CTAGE1: variants seen among roughly 807,000 people sequenced by gnomAD.
CTAGE1 encodes the protein cTAGE family member 2.
For synonymous variants in CTAGE1, 332 were observed against 302.8 expected (o/e 1.10, Z -1.00); for missense variants, 963 against 855.9 (o/e 1.13, Z -1.56).
In CTAGE1 at chr18:22,416,287, A is replaced by G. The variant is rs1227574176; in HGVS notation, c.1525T>C (p.Leu509=). The change falls in exon 1 of 1, where the codon TTG becomes CTG. Residue 509 remains leucine (L), a synonymous_variant. Coordinates refer to ENST00000391403, the MANE Select transcript of CTAGE1 (RefSeq NM_172241.3). Reference sequence around the variant, plus strand: ...GAGAGTCTGAGAGGACCTTCCAACAAAGTTGGAGGATAGAGAGAAGCTCTC... The same window carrying G: ...GAGAGTCTGAGAGGACCTTCCAACAGAGTTGGAGGATAGAGAGAAGCTCTC... The part of the protein sequence containing the change: ...ETRASLYPPT[L]LEGPLRLSPL... 6.2e-7 allele frequency: 1 copy of G among 1,613,874 alleles called. No homozygotes were observed. Among genetic ancestry groups the G allele is most frequent in the Non-Finnish European group, 8.5e-7 (1 of 1,179,800 alleles).
Position 22,413,635 on chromosome 18 carries a change from C to A in CTAGE1, c.*1939G>T, listed in dbSNP as rs775059587. On this transcript the variant is annotated 3_prime_UTR_variant, in exon 1 of 1. Transcript: ENST00000391403. Reference sequence around the variant, plus strand: ...ACTTATTCACTCTTTATTATTTCAACTTTCTTTTTAGTTTATTAGGTTCAT... The same window carrying A: ...ACTTATTCACTCTTTATTATTTCAAATTTCTTTTTAGTTTATTAGGTTCAT... 5 of 152,160 alleles carry A rather than the reference C, an allele frequency of 3.3e-5. No homozygotes were observed. Among genetic ancestry groups the A allele is most frequent in the Non-Finnish European group, 7.4e-5 (5 of 68,020 alleles). The allele number at this position is 152,160 out of a possible 1,614,324, so 9.4% of individuals were successfully genotyped here.
At position 22,415,906 on chromosome 18, in the gene CTAGE1, T is replaced by C. The variant is rs201596969; in HGVS notation, c.1906A>G (p.Lys636Glu). 2.5e-5 allele frequency: 40 copies of C among 1,613,978 alleles called. No homozygotes were observed. The highest frequency in any genetic ancestry group is 1.2e-4 in the Admixed American group (7 of 60,024). Reference protein sequence around the residue: ...SEMESSRNDTKDNLGNLKVPD... With the variant: ...SEMESSRNDTEDNLGNLKVPD... ...ACCTTTAAATTACCAAGATTATCTT[T>C]GGTATCATTTCTACTGGATTCCATT... Residue 636 changes from lysine to glutamate, a missense_variant, in exon 1 of 1, where the codon AAA becomes GAA. Coordinates refer to ENST00000391403, the MANE Select transcript of CTAGE1 (RefSeq NM_172241.3).
Position 22,415,058 on chromosome 18 carries a change from T to A in CTAGE1, c.*516A>T, listed in dbSNP as rs896011112. The A allele has an allele frequency of 1.2e-5, 5 of 429,126 alleles. No individual in the cohort carries two copies. Among genetic ancestry groups the A allele is most frequent in the Non-Finnish European group, 2.0e-5 (5 of 244,998 alleles). The allele number at this position is 429,126 out of a possible 1,614,324, so 26.6% of individuals were successfully genotyped here. On this transcript the variant is annotated 3_prime_UTR_variant, in exon 1 of 1. Coordinates refer to ENST00000391403, the MANE Select transcript of CTAGE1 (RefSeq NM_172241.3). ...GAAATATTCTAACAGTTACATAGTATTCTACCTTCCCACCTGTGCATATTT... is the reference window on the plus strand; with the variant it reads ...GAAATATTCTAACAGTTACATAGTAATCTACCTTCCCACCTGTGCATATTT...
At position 22,416,452 on chromosome 18, in the gene CTAGE1, T is replaced by C; in HGVS notation, c.1360A>G (p.Arg454Gly). Reference protein sequence around the residue: ...NDLRKENAHNRQKLTEIEFKI... With the variant: ...NDLRKENAHNGQKLTEIEFKI... ...AACTCTATTTCAGTTAATTTTTGTCTGTTGTGAGCATTTTCTTTCCTTAAA... is the reference window on the plus strand; with the variant it reads ...AACTCTATTTCAGTTAATTTTTGTCCGTTGTGAGCATTTTCTTTCCTTAAA... The change falls in exon 1 of 1, where the codon AGA (arginine) becomes GGA (glycine). Residue 454 changes from arginine (R) to glycine (G), a missense_variant. Physicochemically the swap from Arg to Gly is moderately radical, Grantham distance 125. Transcript: ENST00000391403. 1.2e-6 allele frequency: 2 copies of C among 1,614,004 alleles called. No homozygotes were observed. The highest frequency in any genetic ancestry group is 1.7e-5 in the Admixed American group (1 of 59,998).
In CTAGE1 at chr18:22,414,507, G is replaced by T; in HGVS notation, c.*1067C>A. On this transcript the variant is annotated 3_prime_UTR_variant, in exon 1 of 1. Coordinates refer to ENST00000391403, the MANE Select transcript of CTAGE1 (RefSeq NM_172241.3). ...AAGCAATGGCTTGGTGGCCCAGCTT[G>T]CATGAAGGACTAATCCAAAATTTGA... is the stretch of plus-strand genomic sequence containing the variant. 1 of 584,630 alleles carries T rather than the reference G, an allele frequency of 1.7e-6. No homozygotes were observed. Among genetic ancestry groups the T allele is most frequent in the Admixed American group, 3.1e-5 (1 of 31,870 alleles). The allele number at this position is 584,630 out of a possible 1,614,324, so 36.2% of individuals were successfully genotyped here.
rs191777397 is a variant in CTAGE1, at chr18:22,414,701, C to T, written c.*873G>A. ...GAACATAAAACTAAAACTATTAGAA[C>T]ACCAACAGAGGTAAAGGTTGGGAAA... On this transcript the variant is annotated 3_prime_UTR_variant, in exon 1 of 1. Transcript: ENST00000391403. 337 of 702,962 alleles carry T rather than the reference C, an allele frequency of 4.8e-4. 1 individual carries two copies. In the African/African-American group the frequency reaches 5.3e-3, roughly 11 times the overall value. 43.5% of individuals were successfully genotyped at this position (702,962 alleles called of 1,614,324 possible).
Position 22,415,087 on chromosome 18 carries a change from T to C in CTAGE1, c.*487A>G, listed in dbSNP as rs1598489664. The C allele has an allele frequency of 3.5e-6, 1 of 285,678 alleles. No homozygotes were observed. Among genetic ancestry groups the C allele is most frequent in the Non-Finnish European group, 6.4e-6 (1 of 156,626 alleles). The allele number at this position is 285,678 out of a possible 1,614,324, so 17.7% of individuals were successfully genotyped here. ...ACCTTCCCACCTGTGCATATTTATA[T>C]ATTTCTTTTTTTAAATTTTTTAAAT... is the stretch of plus-strand genomic sequence containing the variant. On this transcript the variant is annotated 3_prime_UTR_variant, in exon 1 of 1. Coordinates refer to ENST00000391403, the MANE Select transcript of CTAGE1 (RefSeq NM_172241.3).
At position 22,417,866 on chromosome 18, in the gene CTAGE1, G is replaced by T; in HGVS notation, c.-55C>A. The stretch of plus-strand genomic sequence containing the variant: ...GTAGCAACTCCAGGACCAGCCCCAG[G>T]TATGGCTGAGGGTTAGCCCTAGGCT... On this transcript the variant is annotated 5_prime_UTR_variant, in exon 1 of 1. Transcript: ENST00000391403. The T allele has an allele frequency of 6.4e-7, 1 of 1,571,750 alleles. No individual in the cohort carries two copies. Among genetic ancestry groups the T allele is most frequent in the Non-Finnish European group, 8.8e-7 (1 of 1,142,166 alleles).
Position 22,417,691 on chromosome 18 carries a change from A to G in CTAGE1, c.121T>C (p.Tyr41His), listed in dbSNP as rs759269246. ...RSFRSVTSRL[Y>H]VRREKKFAVA... ...GCAAACTTTTTCTCTCTTCTCACAT[A>G]AAGCCGACTCGTAACTGATCTAAAA... is the stretch of plus-strand genomic sequence containing the variant. Residue 41 changes from tyrosine (Y) to histidine (H), a missense_variant, in exon 1 of 1, where the codon TAT (tyrosine) becomes CAT (histidine). Coordinates refer to ENST00000391403, the MANE Select transcript of CTAGE1 (RefSeq NM_172241.3). The G allele has an allele frequency of 1.9e-6, 3 of 1,614,096 alleles. No homozygotes were observed. Among genetic ancestry groups the G allele is most frequent in the Admixed American group, 3.3e-5 (2 of 60,026 alleles).
rs1383546701 is a variant in CTAGE1 at position 22,416,747 on chromosome 18, C to T, written c.1065G>A (p.Met355Ile). The T allele has an allele frequency of 6.2e-7, 1 of 1,612,468 alleles. No individual in the cohort carries two copies. The highest frequency in any genetic ancestry group is 8.5e-7 in the Non-Finnish European group (1 of 1,179,590). ...TTTCATTTTCTTGATATAATTCAGTCATTACTTTAAGTTTCTGCTGAAGCT... is the reference window on the plus strand; with the variant it reads ...TTTCATTTTCTTGATATAATTCAGTTATTACTTTAAGTTTCTGCTGAAGCT... ...NQKLQQKLKV[M>I]TELYQENEMK... Residue 355 changes from methionine to isoleucine, a missense_variant, in exon 1 of 1, where the codon ATG (methionine) becomes ATA (isoleucine). By Grantham distance (10) the Met-to-Ile change is conservative. Coordinates refer to ENST00000391403, the MANE Select transcript of CTAGE1 (RefSeq NM_172241.3).
In CTAGE1 at chr18:22,417,843, A is replaced by G. The variant is rs368124671; in HGVS notation, c.-32T>C. 1.0e-4 allele frequency: 162 copies of G among 1,609,008 alleles called. No homozygotes were observed. Among genetic ancestry groups the G allele is most frequent in the Admixed American group, 8.3e-5 (5 of 59,986 alleles). On this transcript the variant is annotated 5_prime_UTR_variant, in exon 1 of 1. Coordinates refer to ENST00000391403, the MANE Select transcript of CTAGE1 (RefSeq NM_172241.3). ...AGTCAGTGCTGCCACAACCCTGCGT[A>G]GCAACTCCAGGACCAGCCCCAGGTA...
Position 22,415,618 on chromosome 18 carries a change from G to A in CTAGE1, c.2194C>T (p.Arg732Cys), listed in dbSNP as rs749260943. The A allele has an allele frequency of 7.4e-6, 12 of 1,613,392 alleles. No homozygotes were observed. The Admixed American group carries it at 1.3e-4, about 18-fold the overall frequency. ...VYLPRGFLPYRPPRPAFFPPA... is the reference protein window; with the variant it reads ...VYLPRGFLPYCPPRPAFFPPA... ...GGGAAAAATGCAGGTCTTGGGGGAC[G>A]GTAAGGAAGAAAACCTCTCGGTAAA... The change falls in exon 1 of 1, where the codon CGT (arginine) becomes TGT (cysteine). Residue 732 changes from arginine to cysteine, a missense_variant. Physicochemically the swap from Arg to Cys is radical, Grantham distance 180. Transcript: ENST00000391403.
At position 22,416,272 on chromosome 18, in the gene CTAGE1, G is replaced by A; in HGVS notation, c.1540C>T (p.Leu514Phe). The A allele has an allele frequency of 1.2e-6, 2 of 1,613,986 alleles. No individual in the cohort carries two copies. Among genetic ancestry groups the A allele is most frequent in the African/African-American group, 1.3e-5 (1 of 75,060 alleles). ...CGTGGAAGCAAAGGTGAGAGTCTGA[G>A]AGGACCTTCCAACAAAGTTGGAGGA... is the stretch of plus-strand genomic sequence containing the variant. ...LYPPTLLEGP[L>F]RLSPLLPRGG... The change falls in exon 1 of 1, where the codon CTC becomes TTC. Residue 514 changes from leucine (L) to phenylalanine (F), a missense_variant. By Grantham distance (22) the Leu-to-Phe change is conservative. Transcript: ENST00000391403.
chr18:22,417,688 C>G lies in CTAGE1; in HGVS notation c.124G>C (p.Val42Leu), dbSNP rs2035033695. 6.2e-7 allele frequency: 1 copy of G among 1,614,090 alleles called. No homozygotes were observed. Among genetic ancestry groups the G allele is most frequent in the African/African-American group, 1.3e-5 (1 of 75,062 alleles). Residue 42 changes from valine to leucine, a missense_variant, in exon 1 of 1, where the codon GTG (valine) becomes CTG (leucine). Coordinates refer to ENST00000391403, the MANE Select transcript of CTAGE1 (RefSeq NM_172241.3). ...ACAGCAAACTTTTTCTCTCTTCTCA[C>G]ATAAAGCCGACTCGTAACTGATCTA... ...SFRSVTSRLY[V>L]RREKKFAVAL...
At position 22,416,843 on chromosome 18, in the gene CTAGE1, A is replaced by G. The variant is rs61747185; in HGVS notation, c.969T>C (p.His323=). The G allele has an allele frequency of 3.0e-4, 491 of 1,612,982 alleles. 2 individuals are homozygous for G. In the African/African-American group the frequency reaches 5.7e-3, roughly 19 times the overall value. ...CTTGTTCAGTCTGAAGATTTTTAAT[A>G]TGCTCTGTAAGCTCTTCCTTTGTTT... is the stretch of plus-strand genomic sequence containing the variant. ...VDKTKEELTE[H]IKNLQTEQAS... The change falls in exon 1 of 1, where the codon CAT becomes CAC. Residue 323 remains histidine, a synonymous_variant. Coordinates refer to ENST00000391403, the MANE Select transcript of CTAGE1 (RefSeq NM_172241.3).
rs774383412 is a variant in CTAGE1, at chr18:22,417,834, A to G, written c.-23T>C. Reference sequence around the variant, plus strand: ...CATACCTTCAGTCAGTGCTGCCACAACCCTGCGTAGCAACTCCAGGACCAG... The same window carrying G: ...CATACCTTCAGTCAGTGCTGCCACAGCCCTGCGTAGCAACTCCAGGACCAG... On this transcript the variant is annotated 5_prime_UTR_variant, in exon 1 of 1. Transcript: ENST00000391403. The G allele has an allele frequency of 8.1e-6, 13 of 1,612,600 alleles. No individual in the cohort carries two copies. Among genetic ancestry groups the G allele is most frequent in the Non-Finnish European group, 1.0e-5 (12 of 1,178,796 alleles).
Sources: allele counts gnomAD v4.1 joint callset, GRCh38; gene constraint gnomAD v4.1.1; transcripts MANE v1.5; gene names NCBI Gene and HGNC (gene_info 2026-07-23, HGNC 2026-07-21).